The following NRG1 variants were observed in gnomAD, a reference collection of about 807,000 sequenced individuals.
The protein encoded by NRG1 is neuregulin 1, also known as pro-neuregulin-1, membrane-bound isoform.
A neutral mutation model predicts 63.8 loss-of-function variants in NRG1; 18 were observed. The observed-to-expected ratio is 0.28, with a 90% CI of 0.19 to 0.42. The LOEUF is 0.42. NRG1 is among the 10% of genes least tolerant of loss of function. The pLI, the probability that NRG1 is intolerant of heterozygous loss-of-function variation, is 1.00. For missense variants in NRG1, 762 were observed against 814.7 expected (o/e 0.94, Z 0.79); for synonymous variants, 302 against 301.3 (o/e 1.00, Z -0.02).
chr8:32,687,574 G>A (rs182787181), intron 5 of NRG1, among the ~76,000 whole-genome samples: 36 of 152,264 alleles, frequency 2.4e-4, no homozygotes, highest in Admixed American at 5.2e-4. Flanking sequence ...AGCTGAGACC[G>A]TGCTCCTCCC....
intron 5 of NRG1, among the ~76,000 whole-genome samples, chr8:32,664,575 C>G (rs537933989): frequency 2.0e-5 from 3 of 151,876 alleles, no homozygotes; most frequent in African/African-American, 7.2e-5. Flanking sequence ...AATCCTCACA[C>G]ACACAAAAAA....
At chr8:32,379,333 G>A (rs1003769037) in intron 1 of NRG1, among the ~76,000 whole-genome samples, 12 of 152,150 alleles carry the variant, frequency 7.9e-5, no homozygotes, top group Non-Finnish European at 1.6e-4. Flanking sequence ...TTTTGCTAAT[G>A]AGGGCTTAGC....
At chr8:32,273,914 A>G (rs916704654) in intron 1 of NRG1, among the ~76,000 whole-genome samples, 5 of 152,214 alleles carry the variant, frequency 3.3e-5, no homozygotes, top group Non-Finnish European at 7.3e-5. Flanking sequence ...TGTCCATAGA[A>G]CAATTAATAG....
At chr8:31,920,464 A>G (rs2129618494) in intron 1 of NRG1, among the ~76,000 whole-genome samples, 1 of 152,258 alleles carries the variant, frequency 6.6e-6, no homozygotes, top group East Asian at 1.9e-4. Context: ...TCTAAAACAC[A>G]TTGAGTTGTC....
chr8:32,149,977 C>G (rs962194890), intron 1 of NRG1, among the ~76,000 whole-genome samples: 1 of 152,180 alleles, frequency 6.6e-6, no homozygotes, highest in Non-Finnish European at 1.5e-5. Flanking sequence ...CTTGGCAGCA[C>G]TAGCAAGGGC....
intron 1 of NRG1, among the ~76,000 whole-genome samples, chr8:31,697,568 A>G (rs1810200422): frequency 6.6e-6 from 1 of 152,160 alleles, no homozygotes; most frequent in African/African-American, 2.4e-5. Context: ...ATTTCTTTTA[A>G]GTTTGAGGGC....
intron 1 of NRG1, among the ~76,000 whole-genome samples, chr8:32,428,123 G>GATC (rs1817635558): frequency 6.6e-6 from 1 of 152,162 alleles, no homozygotes; most frequent in African/African-American, 2.4e-5. Context: ...CAAAGGCAAT[G>GATC]ATCACAGTGA....
At chr8:31,935,405 G>A (rs1215193689) in intron 1 of NRG1, among the ~76,000 whole-genome samples, 1 of 151,830 alleles carries the variant, frequency 6.6e-6, no homozygotes, top group East Asian at 1.9e-4. Flanking sequence ...TTACAGGTGT[G>A]AGCTACCACA....
chr8:32,012,328 G>T (rs1814890047), intron 1 of NRG1, among the ~76,000 whole-genome samples: 1 of 152,114 alleles, frequency 6.6e-6, no homozygotes, highest in African/African-American at 2.4e-5. Flanking sequence ...GTAGAGAGAA[G>T]ATGAGCATCA....
At chr8:32,335,376 A>C (rs1803139440) in intron 1 of NRG1, among the ~76,000 whole-genome samples, 1 of 152,190 alleles carries the variant, frequency 6.6e-6, no homozygotes, top group African/African-American at 2.4e-5. Context: ...TCACACAGAC[A>C]ATTATTCTGT....
intron 1 of NRG1, among the ~76,000 whole-genome samples, chr8:32,221,797 A>AT (rs5890629): frequency 0.38 from 56,933 of 151,570 alleles, 16,543 homozygotes; most frequent in African/African-American, 0.81. Flanking sequence ...AAAAAGTTGT[A>AT]TTTTTTTTAA....
At chr8:32,597,094 A>C (rs1003983797) in intron 2 of NRG1, among the ~76,000 whole-genome samples, 2 of 152,154 alleles carry the variant, frequency 1.3e-5, no homozygotes. Flanking sequence ...AGTGGATTAG[A>C]TTTTTGCTTC....
intron 1 of NRG1, among the ~76,000 whole-genome samples, chr8:32,274,547 AC>A (rs1268696706): frequency 6.6e-6 from 1 of 152,152 alleles, no homozygotes; most frequent in African/African-American, 2.4e-5. Flanking sequence ...CTTTTCATTA[AC>A]ATTTACAACA....
intron 1 of NRG1, among the ~76,000 whole-genome samples, chr8:31,672,238 T>G (rs1268142050): frequency 6.6e-6 from 1 of 152,064 alleles, no homozygotes; most frequent in Non-Finnish European, 1.5e-5. Context: ...TGTGAAGAGT[T>G]TTTTTTCCAT....
chr8:32,446,620 A>C (rs945530900), intron 1 of NRG1, among the ~76,000 whole-genome samples: 2 of 151,542 alleles, frequency 1.3e-5, no homozygotes, highest in South Asian at 2.1e-4. Flanking sequence ...GTGCCCCTGC[A>C]CTCCAACCTG....
intron 1 of NRG1, among the ~76,000 whole-genome samples, chr8:31,802,709 G>T (rs1433076478): frequency 3.3e-5 from 5 of 152,090 alleles, no homozygotes; most frequent in South Asian, 2.1e-4. Context: ...AGAGAAATCA[G>T]CAAGCTATAA....
chr8:31,778,817 C>G (rs1458290140), intron 1 of NRG1, among the ~76,000 whole-genome samples: 1 of 152,158 alleles, frequency 6.6e-6, no homozygotes, highest in African/African-American at 2.4e-5. Flanking sequence ...GTTTCACTAC[C>G]CCTAAAACAG....
intron 1 of NRG1, among the ~76,000 whole-genome samples, chr8:32,035,194 TCA>T: frequency 6.6e-6 from 1 of 152,214 alleles, no homozygotes; most frequent in African/African-American, 2.4e-5. Context: ...TGCCTTAATT[TCA>T]TTATCTACCC....
At chr8:32,622,197 G>A (rs1848461018) in intron 5 of NRG1, among the ~76,000 whole-genome samples, 1 of 152,116 alleles carries the variant, frequency 6.6e-6, no homozygotes, top group African/African-American at 2.4e-5. Flanking sequence ...TGAGCAAATT[G>A]ATCATTTGAG....
Sources: allele counts gnomAD v4.1 joint callset (sites outside exome capture counted in the v4.1 genomes callset), GRCh38; gene constraint gnomAD v4.1.1; transcripts MANE v1.5; gene names NCBI Gene and HGNC (gene_info 2026-07-23, HGNC 2026-07-21).